Variants in CCDC149 observed in about 807,000 individuals in gnomAD.
CCDC149 encodes the protein coiled-coil domain containing 149.
CCDC149 carries 45 observed loss-of-function variants against 59.9 expected under a neutral mutation model. The ratio of observed to expected loss-of-function variants is 0.75; its 90% CI spans 0.59 to 0.96. CCDC149 has a LOEUF of 0.96. CCDC149 is among the 40% of genes least tolerant of loss of function. The pLI, the probability that CCDC149 is intolerant of heterozygous loss-of-function variation, is 0.00. For synonymous variants in CCDC149, 245 were observed against 260.6 expected, an observed-to-expected ratio of 0.94 and a Z score of 0.58; for missense variants, 584 against 664.7, an observed-to-expected ratio of 0.88 and a Z score of 1.33.
intron 1 of CCDC149, among the ~76,000 whole-genome samples, chr4:24,904,987 C>T (rs61793776): frequency 0.13 from 19,553 of 152,068 alleles, 1,334 homozygotes; most frequent in South Asian, 0.17. Context: ...CTGCAACCTC[C>T]GCCTCCCAGG....
chr4:24,811,890 A>T (rs201502767), intron 12 of CCDC149, among the ~76,000 whole-genome samples: 2 of 126,380 alleles, frequency 1.6e-5, no homozygotes, highest in African/African-American at 2.8e-5. Flanking sequence ...AAAAAAAAAA[A>T]TTTCACTGGG....
intron 4 of CCDC149, among the ~76,000 whole-genome samples, chr4:24,849,713 G>A (rs1021040034): frequency 2.6e-5 from 4 of 152,160 alleles, no homozygotes; most frequent in African/African-American, 4.8e-5. Flanking sequence ...TTTTTCAAAC[G>A]TACTTAACAT....
At chr4:24,957,187 A>C (rs1011962193) in intron 1 of CCDC149, among the ~76,000 whole-genome samples, 2 of 152,212 alleles carry the variant, frequency 1.3e-5, no homozygotes, top group Admixed American at 6.5e-5. Context: ...GTCTTTTATA[A>C]CCTGAGAACT....
At chr4:24,918,042 C>G (rs1012790650), upstream of CCDC149, among the ~76,000 whole-genome samples, 5 of 151,692 alleles carry the variant, frequency 3.3e-5, no homozygotes, top group African/African-American at 7.3e-5. Flanking sequence ...GTTCTGGAAG[C>G]CTTATGAAAA....
At chr4:24,838,778 TA>T (rs372190574) in intron 4 of CCDC149, among the ~76,000 whole-genome samples, 3,118 of 137,188 alleles carry the variant, frequency 0.023, 87 homozygotes, top group African/African-American at 0.072. Context: ...TTAAAGAGTT[TA>T]AAAAAAAAAA....
intron 1 of CCDC149, among the ~76,000 whole-genome samples, chr4:24,896,661 A>C (rs1161117723): frequency 6.6e-6 from 1 of 152,136 alleles, no homozygotes; most frequent in African/African-American, 2.4e-5. Flanking sequence ...GTTTGGAAGG[A>C]AGGAAGGTAA....
chr4:24,973,542 C>T (rs928532580), intron 1 of CCDC149, among the ~76,000 whole-genome samples: 1 of 152,204 alleles, frequency 6.6e-6, no homozygotes, highest in South Asian at 2.1e-4. Flanking sequence ...ATGCCTGAGG[C>T]TACTGGCAGC....
At chr4:24,915,226 G>A (rs1722091250), upstream of CCDC149, among the ~76,000 whole-genome samples, 1 of 152,252 alleles carries the variant, frequency 6.6e-6, no homozygotes, top group South Asian at 2.1e-4. Context: ...AAAAAGCAAG[G>A]TACTGTCTGC....
rs764863024 is a variant in CCDC149 at position 24,837,333 on chromosome 4, G to T, written c.557C>A (p.Ser186Tyr). The T allele has an allele frequency of 1.9e-6, 3 of 1,614,174 alleles. No individual in the cohort carries two copies. The Admixed American group carries it at 5.0e-5, about 27-fold the overall frequency. Residue 186 changes from serine (S) to tyrosine (Y), a missense_variant, in exon 6 of 13, where the codon TCT (serine) becomes TAT (tyrosine). Coordinates refer to ENST00000635206, the MANE Select transcript of CCDC149 (RefSeq NM_001330643.2). The surrounding 1 kb of genome is among the most constrained non-coding windows in gnomAD (Gnocchi z 4.3). ...CCTCTCCACTTTGTCCTGGTAGGAA[G>T]ACCGTTCTTCTTTAACATCCTGAAG...
At chr4:24,893,974 T>C (rs934003665) in intron 1 of CCDC149, among the ~76,000 whole-genome samples, 8 of 152,134 alleles carry the variant, frequency 5.3e-5, no homozygotes, top group African/African-American at 1.9e-4. Flanking sequence ...ATTCACTCAT[T>C]CATTCCTTCA....
At position 24,901,653 on chromosome 4, in the gene CCDC149, C is replaced by G. The variant is rs150320235; in HGVS notation, c.63+11164G>C. On this transcript the variant is annotated intron_variant, in intron 1 of 12. Coordinates refer to ENST00000635206, the MANE Select transcript of CCDC149 (RefSeq NM_001330643.2). ...AAGATAGCTGCTCATCGAAAATGTTCCCAGTAAGCACTAATCTTCCTTCCC... is the reference window on the plus strand; with the variant it reads ...AAGATAGCTGCTCATCGAAAATGTTGCCAGTAAGCACTAATCTTCCTTCCC... 2.4e-3 allele frequency among the ~76,000 whole-genome samples: 365 copies of G among 152,244 alleles called. 1 individual carries two copies. Among genetic ancestry groups the G allele is most frequent in the African/African-American group, 7.9e-3 (329 of 41,546 alleles).
intron 3 of CCDC149, among the ~76,000 whole-genome samples, chr4:24,861,503 G>A (rs577360908): frequency 6.6e-6 from 1 of 152,242 alleles, no homozygotes; most frequent in East Asian, 1.9e-4. Context: ...GGATGCAGGT[G>A]AAGAATAAAA....
chr4:24,958,210 C>A (rs1394318450), intron 1 of CCDC149, among the ~76,000 whole-genome samples: 1 of 152,204 alleles, frequency 6.6e-6, no homozygotes, highest in Non-Finnish European at 1.5e-5. Flanking sequence ...GAATACTTAG[C>A]CCTGCATATG....
intron 4 of CCDC149, among the ~76,000 whole-genome samples, chr4:24,842,441 C>T (rs1019319696): frequency 3.9e-5 from 6 of 152,134 alleles, no homozygotes; most frequent in Non-Finnish European, 7.4e-5. Flanking sequence ...ATGAAGCAAC[C>T]GCTCAGGACA....
chr4:24,912,558 G>C (rs1215329192), intron 1 of CCDC149, among the ~76,000 whole-genome samples: 1 of 152,066 alleles, frequency 6.6e-6, no homozygotes, highest in Non-Finnish European at 1.5e-5. Context: ...TCCAATCCAG[G>C]GCCAACCCCT....
At position 24,901,030 on chromosome 4, in the gene CCDC149, A is replaced by C. The variant is rs182752584; in HGVS notation, c.63+11787T>G. Among the ~76,000 whole-genome samples, 8 of 152,356 alleles carry C rather than the reference A, an allele frequency of 5.3e-5. No individual in the cohort carries two copies. The East Asian group carries it at 1.5e-3, about 29-fold the overall frequency. ...GGTTTCCGAGTAAGAGGACATCATG[A>C]AAAATGTTTTTTCTTAAAGGTGGTT... is the stretch of plus-strand genomic sequence containing the variant. On this transcript the variant is annotated intron_variant, in intron 1 of 12. Transcript: ENST00000635206.
In CCDC149 at chr4:24,808,559, G is replaced by C. The variant is rs1375641291; in HGVS notation, c.1453C>G (p.Gln485Glu). 1 of 1,551,494 alleles carries C rather than the reference G, an allele frequency of 6.4e-7. No homozygotes were observed. Among genetic ancestry groups the C allele is most frequent in the African/African-American group, 1.4e-5 (1 of 73,160 alleles). Residue 485 changes from glutamine (Q) to glutamate (E), a missense_variant, in exon 13 of 13, where the codon CAG becomes GAG. Physicochemically the swap from Gln to Glu is conservative, Grantham distance 29 (BLOSUM62 2). Transcript: ENST00000635206. ...GGGGCTGGCCCCGTCTCACTCCTCT[G>C]ACCTTCTATGGGACTCTCTCTTCTG...
chr4:24,963,556 G>T (rs1416258361), intron 1 of CCDC149, among the ~76,000 whole-genome samples: 2 of 152,134 alleles, frequency 1.3e-5, no homozygotes. Context: ...CTCTCCCCTG[G>T]AGTCAGTGGA....
chr4:24,856,179 A>G (rs1717994433), intron 3 of CCDC149, among the ~76,000 whole-genome samples: 1 of 151,874 alleles, frequency 6.6e-6, no homozygotes, highest in South Asian at 2.1e-4. Context: ...GACACAGCTG[A>G]CTCCTTTGCA....
Sources: allele counts gnomAD v4.1 joint callset (sites outside exome capture counted in the v4.1 genomes callset), GRCh38; gene constraint gnomAD v4.1.1; non-coding constraint Gnocchi (gnomAD v3.1); transcripts MANE v1.5; gene names NCBI Gene and HGNC (gene_info 2026-07-23, HGNC 2026-07-21).